Variants in LRBA observed in about 807,000 individuals in gnomAD.
LRBA encodes lipopolysaccharide-responsive and beige-like anchor protein.
Under a neutral mutation model 330.0 loss-of-function variants are expected in LRBA, and 176 were observed. The observed-to-expected ratio is 0.53, with a 90% CI of 0.47 to 0.60. LRBA has a LOEUF of 0.60. LRBA is among the 20% of genes least tolerant of loss of function. LRBA has a pLI of 0.00. For synonymous variants in LRBA, 1,230 were observed against 1,193.0 expected, an observed-to-expected ratio of 1.03 and a Z score of -0.64; for missense variants, 3,259 against 3,444.8, an observed-to-expected ratio of 0.95 and a Z score of 1.35.
intron 40 of LRBA, among the ~76,000 whole-genome samples, chr4:150,550,732 T>G (rs1252771366): frequency 6.6e-6 from 1 of 152,228 alleles, no homozygotes; most frequent in Non-Finnish European, 1.5e-5. Flanking sequence ...GTGTGCTCAT[T>G]CATAATAAAT....
intron 36 of LRBA, among the ~76,000 whole-genome samples, chr4:150,730,215 A>G (rs1381116073): frequency 6.6e-6 from 1 of 152,250 alleles, no homozygotes; most frequent in East Asian, 1.9e-4. Context: ...GACAACCCAT[A>G]GAATGGAAGA....
chr4:150,767,485 T>C lies in LRBA; in HGVS notation c.5581-5638A>G, dbSNP rs181209556. On this transcript the variant is annotated intron_variant, in intron 34 of 56. Coordinates refer to ENST00000651943, the MANE Select transcript of LRBA (RefSeq NM_001364905.1). ...AGATCTTTAACATAACTTTTAGTAT[T>C]AAAAAATTTTTTTTCTGTAATCCCA... is the stretch of plus-strand genomic sequence containing the variant. Among the ~76,000 whole-genome samples, 24 of 152,198 alleles carry C rather than the reference T, an allele frequency of 1.6e-4. No individual in the cohort carries two copies. The East Asian group carries it at 3.1e-3, about 20-fold the overall frequency.
chr4:150,701,056 T>C (rs1026275023), intron 36 of LRBA, among the ~76,000 whole-genome samples: 5 of 152,184 alleles, frequency 3.3e-5, no homozygotes, highest in Admixed American at 2.6e-4. Context: ...ATAAACCTTA[T>C]TCTAGTTTCA....
intron 47 of LRBA, among the ~76,000 whole-genome samples, chr4:150,399,284 C>T (rs1745157144): frequency 1.3e-5 from 2 of 152,234 alleles, no homozygotes; most frequent in East Asian, 1.9e-4. Flanking sequence ...CACAGAGACA[C>T]AAAATGCTAA....
At chr4:150,703,191 C>A (rs916413317) in intron 36 of LRBA, among the ~76,000 whole-genome samples, 7 of 152,144 alleles carry the variant, frequency 4.6e-5, no homozygotes, top group Non-Finnish European at 1.0e-4. Flanking sequence ...TGCCTTTATA[C>A]ATCATTAAAT....
At chr4:150,472,235 T>G (rs1561225679) in intron 42 of LRBA, among the ~76,000 whole-genome samples, 1 of 152,128 alleles carries the variant, frequency 6.6e-6, no homozygotes, top group South Asian at 2.1e-4. Flanking sequence ...AAAGAGAAAT[T>G]TTTTTAATAT....
At chr4:150,278,079 T>G in intron 55 of LRBA, 75 bp from the exon 56 acceptor site, 1 of 1,308,042 alleles carries the variant, frequency 7.6e-7, no homozygotes, top group Non-Finnish European at 1.1e-6. Flanking sequence ...TTTGAGTCAT[T>G]CTTACACCAG....
chr4:150,622,946 C>T (rs1353012614), intron 37 of LRBA, among the ~76,000 whole-genome samples: 5 of 152,108 alleles, frequency 3.3e-5, no homozygotes, highest in Non-Finnish European at 7.3e-5. Context: ...ATCCACCCGC[C>T]TCGGCCTCCC....
At chr4:150,552,663 T>C (rs1766752208) in intron 40 of LRBA, among the ~76,000 whole-genome samples, 3 of 152,112 alleles carry the variant, frequency 2.0e-5, no homozygotes, top group African/African-American at 7.2e-5. Flanking sequence ...AACCAAAGGA[T>C]TATAAATCAT....
At chr4:150,335,495 A>G (rs1018736091) in intron 48 of LRBA, among the ~76,000 whole-genome samples, 2 of 146,816 alleles carry the variant, frequency 1.4e-5, no homozygotes, top group African/African-American at 5.0e-5. Context: ...GTGTGTGTAT[A>G]TATATATACA....
intron 28 of LRBA, among the ~76,000 whole-genome samples, chr4:150,843,661 T>C (rs546246326): frequency 6.6e-6 from 1 of 152,340 alleles, no homozygotes; most frequent in Admixed American, 6.5e-5. Context: ...GAACATTTTA[T>C]TACATTCAGA....
At chr4:150,749,510 C>T (rs981176126) in intron 35 of LRBA, among the ~76,000 whole-genome samples, 10 of 152,294 alleles carry the variant, frequency 6.6e-5, no homozygotes, top group African/African-American at 1.2e-4. Flanking sequence ...AATTCCTGCA[C>T]TTTGGGAGGC....
At chr4:150,817,342 G>T in intron 30 of LRBA, 85 bp from the exon 31 acceptor site, 1 of 1,224,582 alleles carries the variant, frequency 8.2e-7, no homozygotes, top group Non-Finnish European at 1.2e-6. Context: ...AAACTAGGTA[G>T]CTAACTTATT....
At chr4:150,907,272 G>C (rs1040465227) in intron 11 of LRBA, among the ~76,000 whole-genome samples, 3 of 83,050 alleles carry the variant, frequency 3.6e-5, no homozygotes, top group Non-Finnish European at 7.4e-5. Flanking sequence ...AGAGAGAAGG[G>C]GGGGAGAGGG....
chr4:150,791,931 A>G (rs1161507938), intron 34 of LRBA, among the ~76,000 whole-genome samples: 2 of 144,248 alleles, frequency 1.4e-5, no homozygotes, highest in Non-Finnish European at 3.0e-5. Flanking sequence ...CGGGAGGCTG[A>G]GGCAGGAGAA....
At chr4:150,789,763 AC>A (rs1223909518) in intron 34 of LRBA, among the ~76,000 whole-genome samples, 11 of 152,302 alleles carry the variant, frequency 7.2e-5, no homozygotes, top group Non-Finnish European at 1.5e-5. Context: ...TAATTCCTTA[AC>A]TTCAGTAGAT....
At chr4:150,747,412 A>T (rs919846403) in intron 35 of LRBA, among the ~76,000 whole-genome samples, 1 of 152,174 alleles carries the variant, frequency 6.6e-6, no homozygotes, top group Non-Finnish European at 1.5e-5. Flanking sequence ...TGCACCAACC[A>T]TTTATAATTT....
intron 34 of LRBA, among the ~76,000 whole-genome samples, chr4:150,797,024 A>G (rs1225159925): frequency 6.6e-6 from 1 of 151,952 alleles, no homozygotes; most frequent in Non-Finnish European, 1.5e-5. Flanking sequence ...CCTACTAAGT[A>G]ACTACTTCTC....
intron 53 of LRBA, among the ~76,000 whole-genome samples, chr4:150,291,865 A>C (rs550930444): frequency 1.1e-4 from 17 of 152,250 alleles, no homozygotes; most frequent in African/African-American, 2.9e-4. Context: ...AAATGTGGCA[A>C]ATATACACCA....
Sources: gnomAD v4.1 joint callset for allele counts (sites outside exome capture counted in the v4.1 genomes callset) on GRCh38, gnomAD v4.1.1 for gene constraint, MANE v1.5 for transcripts, NCBI Gene and HGNC (gene_info 2026-07-23, HGNC 2026-07-21) for gene names.